GCNT1: variants seen among roughly 807,000 people sequenced by gnomAD.
GCNT1 encodes glucosaminyl (N-acetyl) transferase 1.
In GCNT1, 16 loss-of-function variants were observed where a neutral mutation model predicts 26.2. The ratio of observed to expected loss-of-function variants is 0.61; its 90% CI spans 0.41 to 0.93. The LOEUF is 0.93. Ranked by LOEUF, GCNT1 falls within the 40% of genes least tolerant of loss-of-function variation. The pLI is 0.00. For missense variants in GCNT1, 477 were observed against 526.7 expected, an observed-to-expected ratio of 0.91 and a Z score of 0.92; for synonymous variants, 183 against 190.8, an observed-to-expected ratio of 0.96 and a Z score of 0.34.
intron 2 of GCNT1, among the ~76,000 whole-genome samples, chr9:76,500,207 C>T (rs1006762104): frequency 8.5e-5 from 13 of 152,056 alleles, no homozygotes; most frequent in African/African-American, 2.9e-4. Flanking sequence ...TCTACCCCTA[C>T]CCTGAGGAGG....
intron 1 of GCNT1, among the ~76,000 whole-genome samples, chr9:76,429,506 T>G (rs1823305364): frequency 6.6e-6 from 1 of 152,148 alleles, no homozygotes; most frequent in African/African-American, 2.4e-5. Flanking sequence ...TTTCTCATGA[T>G]TTTTTGGATT....
chr9:76,427,445 G>C (rs1823272810), intron 1 of GCNT1, among the ~76,000 whole-genome samples: 1 of 152,138 alleles, frequency 6.6e-6, no homozygotes, highest in Admixed American at 6.5e-5. Context: ...CCCCCAAAGT[G>C]CTGGTATTAC....
intron 1 of GCNT1, among the ~76,000 whole-genome samples, chr9:76,429,776 G>T (rs1587406683): frequency 6.8e-6 from 1 of 146,580 alleles, no homozygotes; most frequent in Non-Finnish European, 1.5e-5. Flanking sequence ...GTTCAGTGGC[G>T]CAATCTCGGC....
chr9:76,483,603 TG>T lies in GCNT1; in HGVS notation c.-289-17312del, dbSNP rs1824483109. Among the ~76,000 whole-genome samples, 3 of 152,210 alleles carry T rather than the reference TG, an allele frequency of 2.0e-5. No homozygotes were observed. The South Asian group carries it at 6.2e-4, about 32-fold the overall frequency. ...CTAATTTTTAAATTTTTCTTGTTTT[TG>T]TAGAGATGGTATCTCACCATTTTAC... On this transcript the variant is annotated intron_variant, in intron 2 of 3. Coordinates refer to ENST00000376730, the MANE Select transcript of GCNT1 (RefSeq NM_001490.5).
the GCNT1 span, among the ~76,000 whole-genome samples, chr9:76,396,056 G>A: frequency 1.3e-5 from 2 of 152,296 alleles, no homozygotes; most frequent in South Asian, 4.1e-4. Flanking sequence ...AACTTCATCA[G>A]CAGTGATACA....
chr9:76,490,919 G>C (rs1048977949), intron 2 of GCNT1, among the ~76,000 whole-genome samples: 1 of 152,272 alleles, frequency 6.6e-6, no homozygotes, highest in Non-Finnish European at 1.5e-5. Flanking sequence ...TCAGAAGGCT[G>C]TGAGTTGTCA....
intron 2 of GCNT1, among the ~76,000 whole-genome samples, chr9:76,462,440 A>G (rs190224647): frequency 2.0e-5 from 3 of 152,300 alleles, no homozygotes; most frequent in Admixed American, 2.0e-4. Flanking sequence ...ATTTTTGGCC[A>G]GTTAAATTCT....
rs116305939 is a variant in GCNT1, at chr9:76,427,647, T to C, written n.38+7760T>C. Among the ~76,000 whole-genome samples, 401 of 152,306 alleles carry C rather than the reference T, an allele frequency of 2.6e-3. 1 individual carries two copies. Among genetic ancestry groups the C allele is most frequent in the African/African-American group, 9.3e-3 (387 of 41,560 alleles). On this transcript the variant is annotated intron_variant and non_coding_transcript_variant, in intron 1 of 3. Coordinates refer to the GCNT1 transcript ENST00000488136. The stretch of plus-strand genomic sequence containing the variant: ...GTTGTCAAAGATGTTTATTACAGCA[T>C]AGTTTATACATGTGAAAAATTAAAA...
chr9:76,435,951 CTTTTTTTTTTTT>C (rs398046579), intron 1 of GCNT1, among the ~76,000 whole-genome samples: 1 of 111,990 alleles, frequency 8.9e-6, no homozygotes, highest in Non-Finnish European at 1.8e-5. Context: ...GTTCCCATAT[CTTTTTTTTTTTT>C]TTTTTTTTTT....
At position 76,434,591 on chromosome 9, in the gene GCNT1, CAT is replaced by C. The variant is rs376040381; in HGVS notation, n.38+14705_38+14706del. On this transcript the variant is annotated intron_variant and non_coding_transcript_variant, in intron 1 of 3. Transcript: ENST00000488136. Reference sequence around the variant, plus strand: ...AACAACATGAAATCTGATTGTAAAACATGTGTGTTTGAAAAATATGAAATCAG... The same window carrying C: ...AACAACATGAAATCTGATTGTAAAACGTGTGTTTGAAAAATATGAAATCAG... Among the ~76,000 whole-genome samples the C allele has an allele frequency of 2.7e-3, 408 of 152,196 alleles. 1 individual carries two copies. Among genetic ancestry groups the C allele is most frequent in the African/African-American group, 9.3e-3 (388 of 41,506 alleles).
At chr9:76,466,781 T>G (rs574492792) in intron 2 of GCNT1, among the ~76,000 whole-genome samples, 2 of 152,320 alleles carry the variant, frequency 1.3e-5, no homozygotes, top group South Asian at 4.1e-4. Context: ...CGTGAGGACT[T>G]TTTCTGAAGG....
intron 2 of GCNT1, among the ~76,000 whole-genome samples, chr9:76,496,628 G>A (rs1416450537): frequency 1.3e-5 from 2 of 152,018 alleles, no homozygotes; most frequent in Non-Finnish European, 2.9e-5. Context: ...TCACCTTAGG[G>A]GCACCTGATA....
chr9:76,430,259 A>C (rs1266104095), intron 1 of GCNT1, among the ~76,000 whole-genome samples: 1 of 152,224 alleles, frequency 6.6e-6, no homozygotes, highest in Non-Finnish European at 1.5e-5. Context: ...ACTTGGTATT[A>C]CATGACTTTT....
chr9:76,426,229 G>A (rs117922184), intron 1 of GCNT1, among the ~76,000 whole-genome samples: 437 of 152,274 alleles, frequency 2.9e-3, no homozygotes, highest in Non-Finnish European at 4.7e-3. Context: ...CAGCTTGGAG[G>A]TTAAAAGGAA....
the GCNT1 span, among the ~76,000 whole-genome samples, chr9:76,399,991 C>T: frequency 6.6e-6 from 1 of 152,172 alleles, no homozygotes; most frequent in Admixed American, 6.5e-5. Flanking sequence ...GGCTACATAA[C>T]ACATGATTCC....
intron 2 of GCNT1, among the ~76,000 whole-genome samples, chr9:76,468,056 G>A (rs1218461948): frequency 2.6e-5 from 4 of 151,982 alleles, no homozygotes; most frequent in Non-Finnish European, 5.9e-5. Context: ...ACAGGCACAT[G>A]CCACCATGCC....
At chr9:76,395,484 G>A in the GCNT1 span, among the ~76,000 whole-genome samples, 2 of 152,128 alleles carry the variant, frequency 1.3e-5, no homozygotes. Context: ...TAGTTTGAGA[G>A]GCCGACGCGG....
At chr9:76,417,992 A>G (rs1175340468), upstream of GCNT1, among the ~76,000 whole-genome samples, 1 of 152,220 alleles carries the variant, frequency 6.6e-6, no homozygotes, top group Non-Finnish European at 1.5e-5. Context: ...CCCATGACAC[A>G]GCCCTCAGAA....
At chr9:76,454,386 G>GAAAAAAAAAAAAAAAA (rs71372084), upstream of GCNT1, among the ~76,000 whole-genome samples, 1 of 39,606 alleles carries the variant, frequency 2.5e-5, no homozygotes, top group African/African-American at 8.7e-5. Context: ...TCTCAGAAAA[G>GAAAAAAAAAAAAAAAA]AAAAAAAAAA....
Sources: allele counts gnomAD v4.1 joint callset (sites outside exome capture counted in the v4.1 genomes callset), GRCh38; gene constraint gnomAD v4.1.1; transcripts MANE v1.5; gene names NCBI Gene and HGNC (gene_info 2026-07-23, HGNC 2026-07-21).